The following GPC6 variants were observed in gnomAD, a reference collection of about 807,000 sequenced individuals.
GPC6 encodes the protein glypican 6.
A neutral mutation model predicts 55.2 loss-of-function variants in GPC6; 14 were observed. The ratio of observed to expected loss-of-function variants is 0.25; its 90% CI spans 0.17 to 0.40. The LOEUF (loss-of-function observed/expected upper bound fraction) is 0.40, where lower values mean the gene tolerates loss of function less well. GPC6 is among the 10% of genes least tolerant of loss of function. GPC6 has a pLI of 1.00. For missense variants in GPC6, 641 were observed against 708.5 expected, an observed-to-expected ratio of 0.90 and a Z score of 1.08; for synonymous variants, 278 against 259.6, an observed-to-expected ratio of 1.07 and a Z score of -0.68.
At chr13:94,198,518 G>A (rs998389794) in intron 4 of GPC6, among the ~76,000 whole-genome samples, 10 of 152,206 alleles carry the variant, frequency 6.6e-5, no homozygotes, top group African/African-American at 1.9e-4. Flanking sequence ...TCTTCGGATT[G>A]TAAGATTATG....
chr13:93,225,512 T>C (rs1414045648), upstream of GPC6, among the ~76,000 whole-genome samples: 1 of 94,138 alleles, frequency 1.1e-5, no homozygotes, highest in Non-Finnish European at 2.4e-5. Flanking sequence ...TGTTTTGTTT[T>C]TTTTTTTTTT....
chr13:93,547,395 A>G (rs1018897160), intron 2 of GPC6, among the ~76,000 whole-genome samples: 1 of 152,100 alleles, frequency 6.6e-6, no homozygotes, highest in Non-Finnish European at 1.5e-5. Flanking sequence ...GACGAGCCTT[A>G]TACTTACTTC....
intron 3 of GPC6, among the ~76,000 whole-genome samples, chr13:93,982,758 T>G (rs1880862866): frequency 6.6e-6 from 1 of 152,202 alleles, no homozygotes; most frequent in Non-Finnish European, 1.5e-5. Context: ...AACACTAGTT[T>G]TTCCGTCAGC....
chr13:93,539,509 G>T (rs569577900), intron 1 of GPC6, among the ~76,000 whole-genome samples: 1 of 152,032 alleles, frequency 6.6e-6, no homozygotes, highest in Admixed American at 6.6e-5. Flanking sequence ...TTAGGGGAGG[G>T]TCCATAGAGT....
intron 1 of GPC6, among the ~76,000 whole-genome samples, chr13:93,394,127 C>A (rs987182214): frequency 6.6e-6 from 1 of 152,150 alleles, no homozygotes; most frequent in Non-Finnish European, 1.5e-5. Context: ...ATATTACTAC[C>A]TCTATAAAGT....
chr13:94,023,370 T>A (rs1882774764), intron 3 of GPC6, among the ~76,000 whole-genome samples: 1 of 151,926 alleles, frequency 6.6e-6, no homozygotes, highest in African/African-American at 2.4e-5. Context: ...ATCATTGACA[T>A]CTACTCAACT....
At chr13:93,259,084 G>A (rs1340526190) in intron 1 of GPC6, among the ~76,000 whole-genome samples, 1 of 152,178 alleles carries the variant, frequency 6.6e-6, no homozygotes, top group Non-Finnish European at 1.5e-5. Flanking sequence ...CGGTAGGGTA[G>A]GGTTATTGAT....
intron 3 of GPC6, among the ~76,000 whole-genome samples, chr13:93,981,724 A>G (rs1178605913): frequency 6.6e-6 from 1 of 152,172 alleles, no homozygotes; most frequent in African/African-American, 2.4e-5. Context: ...ATGTAAAAAT[A>G]ATGCATTCTT....
chr13:93,518,251 T>C (rs1395432487), intron 1 of GPC6, among the ~76,000 whole-genome samples: 1 of 151,896 alleles, frequency 6.6e-6, no homozygotes, highest in East Asian at 1.9e-4. Context: ...ATTATCTATG[T>C]CCTGTTTTGG....
chr13:94,032,997 G>C (rs559746198), intron 4 of GPC6, among the ~76,000 whole-genome samples: 69 of 152,258 alleles, frequency 4.5e-4, no homozygotes, highest in Non-Finnish European at 8.7e-4. Flanking sequence ...TTTGGTTTAG[G>C]CATGGGAATG....
chr13:94,188,690 T>C (rs1889284506), intron 4 of GPC6, among the ~76,000 whole-genome samples: 3 of 152,146 alleles, frequency 2.0e-5, no homozygotes, highest in Non-Finnish European at 4.4e-5. Context: ...CCAGCTGTTC[T>C]GAGGATTGGC....
intron 2 of GPC6, among the ~76,000 whole-genome samples, chr13:93,770,104 T>A (rs1191478144): frequency 6.6e-6 from 1 of 152,174 alleles, no homozygotes; most frequent in Admixed American, 6.6e-5. Flanking sequence ...AGTGCATGCA[T>A]CTGTCTGCTT....
At chr13:93,815,158 C>T (rs1886809736) in intron 2 of GPC6, among the ~76,000 whole-genome samples, 1 of 151,882 alleles carries the variant, frequency 6.6e-6, no homozygotes, top group Non-Finnish European at 1.5e-5. Context: ...TTTTATGACA[C>T]ACATCAGAGG....
intron 1 of GPC6, among the ~76,000 whole-genome samples, chr13:93,442,591 C>T (rs564804226): frequency 3.3e-5 from 5 of 152,294 alleles, no homozygotes; most frequent in Non-Finnish European, 7.4e-5. Flanking sequence ...CCACTAGGAG[C>T]TTAAGTCCAT....
At chr13:93,792,834 G>A (rs903301119) in intron 2 of GPC6, among the ~76,000 whole-genome samples, 11 of 152,120 alleles carry the variant, frequency 7.2e-5, no homozygotes, top group African/African-American at 2.7e-4. Context: ...AGCTTCTCAG[G>A]ACAGGCTGAA....
At chr13:93,490,324 C>T (rs1350544855) in intron 1 of GPC6, among the ~76,000 whole-genome samples, 2 of 151,346 alleles carry the variant, frequency 1.3e-5, no homozygotes, top group Admixed American at 1.3e-4. Flanking sequence ...GTACTATAAT[C>T]TGTCTTCTCA....
intron 3 of GPC6, among the ~76,000 whole-genome samples, chr13:93,927,338 A>T (rs969886083): frequency 2.0e-5 from 3 of 152,196 alleles, no homozygotes; most frequent in African/African-American, 7.2e-5. Context: ...CTATTTATTC[A>T]TGGTCAGGAA....
intron 4 of GPC6, among the ~76,000 whole-genome samples, chr13:94,280,017 T>C (rs1594126822): frequency 6.6e-6 from 1 of 152,144 alleles, no homozygotes; most frequent in Non-Finnish European, 1.5e-5. Flanking sequence ...TCTATCTCAT[T>C]GATCTGTCTA....
rs966048885 is a variant in GPC6, at chr13:93,830,083, C to T, written c.320-71C>T. The T allele has an allele frequency of 8.7e-5, 96 of 1,106,952 alleles. No homozygotes were observed. In the Admixed American group the frequency reaches 8.7e-4, roughly 10 times the overall value. The allele number at this position is 1,106,952 out of a possible 1,614,324, so 68.6% of individuals were successfully genotyped here. On this transcript the variant is annotated intron_variant, in intron 2 of 8. Coordinates refer to ENST00000377047, the MANE Select transcript of GPC6 (RefSeq NM_005708.5). The stretch of plus-strand genomic sequence containing the variant: ...AAAATGTCAATTAAAAGCAGTTGTA[C>T]TTAAGGTAAGTGGGTGCCTTGGGCT...
Sources: gnomAD v4.1 joint callset for allele counts (sites outside exome capture counted in the v4.1 genomes callset) on GRCh38, gnomAD v4.1.1 for gene constraint, MANE v1.5 for transcripts, NCBI Gene and HGNC (gene_info 2026-07-23, HGNC 2026-07-21) for gene names.